Variants in NR4A1 observed in about 807,000 individuals in gnomAD.
NR4A1 encodes the protein nuclear receptor subfamily 4 group A member 1.
NR4A1 carries 24 observed loss-of-function variants against 47.5 expected under a neutral mutation model. The ratio of observed to expected loss-of-function variants is 0.50; its 90% CI spans 0.37 to 0.71. The LOEUF (loss-of-function observed/expected upper bound fraction) is 0.71. NR4A1 is among the 30% of genes least tolerant of loss of function. NR4A1 has a pLI of 0.00. For synonymous variants in NR4A1, 353 were observed against 345.7 expected, an observed-to-expected ratio of 1.02 and a Z score of -0.24; for missense variants, 669 against 788.6, an observed-to-expected ratio of 0.85 and a Z score of 1.82.
intron 2 of NR4A1, chr12:52,055,550 C>G (rs896027437): frequency 3.7e-6 from 2 of 533,970 alleles, no homozygotes; most frequent in African/African-American, 3.8e-5. Context: ...GGGGTGCCCC[C>G]AGGCTCTCAT....
chr12:52,031,873 T>C (rs1938135289), intron 1 of NR4A1, among the ~76,000 whole-genome samples: 1 of 148,990 alleles, frequency 6.7e-6, no homozygotes, highest in African/African-American at 2.5e-5. Context: ...TTCGGCTCAC[T>C]GCAATTTCCG....
At position 52,056,039 on chromosome 12, in the gene NR4A1, C is replaced by T. The variant is rs1239126463; in HGVS notation, c.886C>T (p.Gln296Ter). 1.4e-6 allele frequency: 2 copies of T among 1,436,982 alleles called. No individual in the cohort carries two copies. Among genetic ancestry groups the T allele is most frequent in the South Asian group, 1.2e-5 (1 of 83,542 alleles). The allele number at this position is 1,436,982 out of a possible 1,614,324, so 89.0% of individuals were successfully genotyped here. A position where few individuals can be genotyped will look rare whatever the true frequency, so the allele number is the denominator to read the frequency against. Residue 296 changes from glutamine (Q) to a stop codon, truncating the protein, a stop_gained, in exon 3 of 7, where the codon CAG (glutamine) becomes TAG (stop). Transcript: ENST00000394825. LOFTEE classifies it high-confidence loss of function. ...GCKGFFKRTV[Q>*]KNAKYICLAN... Reference sequence around the variant, plus strand: ...TTGCCCCCCCACCCAGCGCACAGTGCAGAAAAACGCCAAGTACATCTGCCT... The same window carrying T: ...TTGCCCCCCCACCCAGCGCACAGTGTAGAAAAACGCCAAGTACATCTGCCT...
At chr12:52,044,401 G>A (rs188824891) in intron 2 of NR4A1, among the ~76,000 whole-genome samples, 1 of 152,210 alleles carries the variant, frequency 6.6e-6, no homozygotes, top group Non-Finnish European at 1.5e-5. Flanking sequence ...TTGGGTGCCT[G>A]AGAAGCAGAG....
chr12:52,023,802 C>A (rs1005955102), intron 1 of NR4A1, among the ~76,000 whole-genome samples: 2 of 152,204 alleles, frequency 1.3e-5, no homozygotes, highest in African/African-American at 4.8e-5. Flanking sequence ...TGCTGTGGCT[C>A]CCCGCTGCAA....
At chr12:52,033,554 T>A (rs1938175893) in intron 1 of NR4A1, among the ~76,000 whole-genome samples, 1 of 152,206 alleles carries the variant, frequency 6.6e-6, no homozygotes, top group South Asian at 2.1e-4. Context: ...CCACTTTCTC[T>A]TGGGGCCCTG....
At chr12:52,043,977 C>T (rs1938534520) in intron 2 of NR4A1, 1 of 1,262,278 alleles carries the variant, frequency 7.9e-7, no homozygotes, top group South Asian at 1.2e-5. Flanking sequence ...CCCATTGTGA[C>T]TGTCATGCCA....
chr12:52,052,607 C>T, intron 1 of NR4A1: 1 of 985,812 alleles, frequency 1.0e-6, no homozygotes, highest in Non-Finnish European at 1.2e-6. Context: ...GCCTCTTCCT[C>T]CTCCTGTGGG....
In NR4A1 at chr12:52,058,977, CT is replaced by C. The variant is rs775548290; in HGVS notation, c.*34del. ...CTGGGAACACGTGTGCACATGCGCA[CT>C]CTCATATGCCACCCCATGTGCCTTT... On this transcript the variant is annotated 3_prime_UTR_variant, in exon 7 of 7. Transcript: ENST00000394825. 6.3e-7 allele frequency: 1 copy of C among 1,583,268 alleles called. No homozygotes were observed. The highest frequency in any genetic ancestry group is 8.6e-7 in the Non-Finnish European group (1 of 1,158,682).
rs546994399 is a variant in NR4A1, at chr12:52,026,141, G to C, written c.-84+3202G>C. 2.4e-3 allele frequency among the ~76,000 whole-genome samples: 361 copies of C among 152,362 alleles called. 2 individuals are homozygous for C. Among genetic ancestry groups the C allele is most frequent in the African/African-American group, 8.0e-3 (334 of 41,592 alleles). On this transcript the variant is annotated intron_variant, in intron 1 of 7. Transcript: ENST00000360284. ...GCTCTCAAAATGAGGGCAATGACAT[G>C]AGCTGCACTGCTCGCTCACGCGTTT...
Position 52,053,157 on chromosome 12 carries a change from G to C in NR4A1, c.-2-1170G>C, listed in dbSNP as rs920946013. Among the ~76,000 whole-genome samples the C allele has an allele frequency of 2.0e-5, 3 of 152,168 alleles. No homozygotes were observed. In the East Asian group the frequency reaches 5.8e-4, roughly 29 times the overall value. On this transcript the variant is annotated intron_variant, in intron 1 of 6. Coordinates refer to ENST00000394825, the MANE Select transcript of NR4A1 (RefSeq NM_173157.3). ...GAGTTACGCAGACCCCAGGTGTGTA[G>C]GTTGGGAGGGAGACTGTCCTGGAGC...
intron 1 of NR4A1, among the ~76,000 whole-genome samples, chr12:52,023,117 T>C (rs1937918715): frequency 6.6e-6 from 1 of 152,156 alleles, no homozygotes; most frequent in Non-Finnish European, 1.5e-5. Context: ...CGGGTTCCCG[T>C]CTAGACCAGA....
intron 1 of NR4A1, among the ~76,000 whole-genome samples, chr12:52,052,292 TGTGTGTGTGTGTGA>T (rs988601520): frequency 1.4e-5 from 2 of 142,476 alleles, no homozygotes; most frequent in African/African-American, 2.9e-5. Context: ...TGTGTGTGTG[TGTGTGTGTGTGTGA>T]GAGAGAGAGA....
intron 2 of NR4A1, 101 bp downstream of exon 2, chr12:52,055,305 A>G (rs371033383): frequency 3.0e-5 from 45 of 1,492,170 alleles, no homozygotes; most frequent in South Asian, 1.9e-4. Context: ...CCTCCTAGCT[A>G]AGTCCTGTCC....
At chr12:52,048,316 C>T (rs1055039227), upstream of NR4A1, among the ~76,000 whole-genome samples, 24 of 151,796 alleles carry the variant, frequency 1.6e-4, no homozygotes, top group African/African-American at 3.9e-4. Flanking sequence ...TTATTTTGGC[C>T]GGGTACAGTG....
rs1374858943 is a variant in NR4A1, at chr12:52,054,430, C to T, written c.102C>T (p.Thr34=). The T allele has an allele frequency of 8.7e-6, 14 of 1,613,742 alleles. No homozygotes were observed. Among genetic ancestry groups the T allele is most frequent in the Non-Finnish European group, 1.1e-5 (13 of 1,180,018 alleles). ...DPLTPEFIKP[T]MDLASPEAAP... ...TGACCCCTGAGTTCATCAAGCCCAC[C>T]ATGGACCTGGCCAGCCCCGAGGCAG... is the stretch of plus-strand genomic sequence containing the variant. The change falls in exon 2 of 7, where the codon ACC becomes ACT. Residue 34 remains threonine, a synonymous_variant. Transcript: ENST00000394825.
In NR4A1 at chr12:52,056,616, C is replaced by T. The variant is rs1258594501; in HGVS notation, c.1129C>T (p.Pro377Ser). The change falls in exon 4 of 7, where the codon CCC (proline) becomes TCC (serine). Residue 377 changes from proline to serine, a missense_variant. Physicochemically the swap from Pro to Ser is moderately conservative, Grantham distance 74. Transcript: ENST00000394825. ...GGTCCGTGCACACCTGGACTCAGGG[C>T]CCAGCACTGCCAAACTGGACTACTC... ...SLVRAHLDSG[P>S]STAKLDYSKF... 6.2e-7 allele frequency: 1 copy of T among 1,606,978 alleles called. No homozygotes were observed. Among genetic ancestry groups the T allele is most frequent in the African/African-American group, 1.3e-5 (1 of 74,490 alleles).
intron 1 of NR4A1, among the ~76,000 whole-genome samples, chr12:52,035,759 T>A (rs1938222183): frequency 6.6e-6 from 1 of 152,110 alleles, no homozygotes; most frequent in Admixed American, 6.5e-5. Context: ...AGAAAGGGAA[T>A]TCTGAGTTGC....
chr12:52,028,616 A>G (rs1938051678), intron 1 of NR4A1, among the ~76,000 whole-genome samples: 1 of 150,016 alleles, frequency 6.7e-6, no homozygotes, highest in Non-Finnish European at 1.5e-5. Flanking sequence ...TAAAAGACAA[A>G]AAGACCAGGC....
Position 52,057,339 on chromosome 12 carries a change from A to T in NR4A1, c.1362-13A>T, listed in dbSNP as rs533811836. On this transcript the variant is annotated splice_polypyrimidine_tract_variant and intron_variant, in intron 5 of 6. Transcript: ENST00000394825. ...ACCACCCTGATCGCTCTTCGTGCCC[A>T]TCTGCCTGCCAGGTCTAAGCCAGGC... The T allele has an allele frequency of 6.2e-7, 1 of 1,614,090 alleles. No individual in the cohort carries two copies. The highest frequency in any genetic ancestry group is 1.7e-5 in the Admixed American group (1 of 60,020).
Sources: gnomAD v4.1 joint callset for allele counts (sites outside exome capture counted in the v4.1 genomes callset) on GRCh38, gnomAD v4.1.1 for gene constraint, MANE v1.5 for transcripts, NCBI Gene and HGNC (gene_info 2026-07-23, HGNC 2026-07-21) for gene names.